Variants in MFN1 observed in about 807,000 individuals in gnomAD.
The protein encoded by MFN1 is mitofusin-1.
Under a neutral mutation model 92.4 loss-of-function variants are expected in MFN1, and 65 were observed. That is an observed-to-expected ratio of 0.70 (90% CI 0.58 to 0.86). The LOEUF is 0.86. MFN1 is among the 40% of genes least tolerant of loss of function. The pLI is 0.00. For synonymous variants in MFN1, 297 were observed against 300.9 expected, an observed-to-expected ratio of 0.99 and a Z score of 0.13; for missense variants, 781 against 868.0, an observed-to-expected ratio of 0.90 and a Z score of 1.26.
rs1392155472 is a variant in MFN1, at chr3:179,392,821, A to T, written c.*762A>T. On this transcript the variant is annotated 3_prime_UTR_variant, in exon 18 of 18. Coordinates refer to ENST00000471841, the MANE Select transcript of MFN1 (RefSeq NM_033540.3). ...GACGTCTGAATTTTGAATGATAAAC[A>T]GTGATGTTTTAAAAAAGCTGTTGTT... The T allele has an allele frequency of 6.6e-6, 1 of 152,200 alleles. No homozygotes were observed. The highest frequency in any genetic ancestry group is 2.4e-5 in the African/African-American group (1 of 41,460). The allele number at this position is 152,200 out of a possible 1,614,324, so 9.4% of individuals were successfully genotyped here.
At chr3:179,359,505 C>T (rs1712485566) in intron 4 of MFN1, among the ~76,000 whole-genome samples, 1 of 148,808 alleles carries the variant, frequency 6.7e-6, no homozygotes, top group African/African-American at 2.5e-5. Context: ...GCTGCAACCT[C>T]TGCCTCTTGG....
At chr3:179,376,170 A>G (rs932841593) in intron 10 of MFN1, among the ~76,000 whole-genome samples, 2 of 152,308 alleles carry the variant, frequency 1.3e-5, no homozygotes, top group Non-Finnish European at 2.9e-5. Flanking sequence ...GTACTTTCTT[A>G]GGAATGAATT....
intron 10 of MFN1, among the ~76,000 whole-genome samples, 168 bp downstream of exon 10, chr3:179,375,509 G>C (rs997734431): frequency 6.6e-6 from 1 of 152,142 alleles, no homozygotes; most frequent in Admixed American, 6.5e-5. Flanking sequence ...TGAAAGTGTC[G>C]ATATTTATTC....
At position 179,390,011 on chromosome 3, in the gene MFN1, G is replaced by GCTA. The variant is rs1264363346; in HGVS notation, c.2022_2024dup (p.Thr676dup). 1 of 1,598,466 alleles carries GCTA rather than the reference G, an allele frequency of 6.3e-7. No individual in the cohort carries two copies. The highest frequency in any genetic ancestry group is 1.8e-5 in the Admixed American group (1 of 56,694). ...CTAAATTTTTATTTTAAGACAAATA[G>GCTA]CTACCACTTTTGCTCGCCTGTGCCA... On this transcript the variant is annotated inframe_insertion, in exon 17 of 18. Coordinates refer to ENST00000471841, the MANE Select transcript of MFN1 (RefSeq NM_033540.3).
intron 6 of MFN1, 105 bp from the exon 7 acceptor site, chr3:179,365,013 G>A (rs1432216673): frequency 1.8e-6 from 1 of 548,398 alleles, no homozygotes; most frequent in South Asian, 4.1e-5. Context: ...TTTGTCAGTG[G>A]TGTTAATTAC....
At chr3:179,364,654 A>G (rs1712714530) in intron 6 of MFN1, among the ~76,000 whole-genome samples, 1 of 152,204 alleles carries the variant, frequency 6.6e-6, no homozygotes, top group African/African-American at 2.4e-5. Context: ...TGTCAGTCTC[A>G]GGGAAAATGA....
intron 2 of MFN1, among the ~76,000 whole-genome samples, chr3:179,351,005 A>G (rs2108522148): frequency 6.6e-6 from 1 of 152,270 alleles, no homozygotes; most frequent in Non-Finnish European, 1.5e-5. Flanking sequence ...GTGTTTTACC[A>G]TATTGTTCAG....
chr3:179,366,258 C>T (rs7355960), intron 7 of MFN1, among the ~76,000 whole-genome samples: 19,318 of 152,048 alleles, frequency 0.13, 4,067 homozygotes, highest in African/African-American at 0.44. Flanking sequence ...AGAGGTAAAA[C>T]TGCTAGATTA....
intron 14 of MFN1, among the ~76,000 whole-genome samples, chr3:179,382,044 T>TAAAC (rs1364311934): frequency 2.0e-5 from 3 of 149,530 alleles, no homozygotes; most frequent in African/African-American, 7.4e-5. Flanking sequence ...ACATTTCAAA[T>TAAAC]AAACTAGCAT....
At chr3:179,380,948 CA>C (rs1457851998) in intron 14 of MFN1, among the ~76,000 whole-genome samples, 1 of 151,586 alleles carries the variant, frequency 6.6e-6, no homozygotes, top group Non-Finnish European at 1.5e-5. Context: ...GCTCCTTATG[CA>C]AAAAATAATA....
chr3:179,350,282 A>G (rs1397532065), intron 2 of MFN1, among the ~76,000 whole-genome samples: 2 of 151,862 alleles, frequency 1.3e-5, no homozygotes, highest in Non-Finnish European at 2.9e-5. Flanking sequence ...GTCTCTCCCA[A>G]CCCTCTCTTA....
At chr3:179,355,923 G>T (rs1026417433) in intron 3 of MFN1, among the ~76,000 whole-genome samples, 1 of 151,674 alleles carries the variant, frequency 6.6e-6, no homozygotes, top group Admixed American at 6.6e-5. Flanking sequence ...CTGCACTCCA[G>T]CCTGGGCCAC....
At chr3:179,365,888 T>A (rs769219974) in intron 7 of MFN1, among the ~76,000 whole-genome samples, 1 of 152,260 alleles carries the variant, frequency 6.6e-6, no homozygotes, top group Non-Finnish European at 1.5e-5. Context: ...ATTCCATCTG[T>A]GACTATACTA....
intron 3 of MFN1, 44 bp downstream of exon 3, chr3:179,352,079 G>A (rs1246110613): frequency 1.3e-6 from 2 of 1,536,972 alleles, no homozygotes; most frequent in South Asian, 1.3e-5. Flanking sequence ...CCAGGAATCA[G>A]CTTTGTGTCT....
chr3:179,350,456 A>T lies in MFN1; in HGVS notation c.113-1444A>T, dbSNP rs114122899. Among the ~76,000 whole-genome samples, 1,331 of 151,646 alleles carry T rather than the reference A, an allele frequency of 8.8e-3. 16 individuals carry two copies. Among genetic ancestry groups the T allele is most frequent in the African/African-American group, 0.03 (1,228 of 41,368 alleles). ...CTGGCACAGTTGACTTTTTAAAAAT[A>T]TTTTTTTTTCTAAAAATAATAGGAA... On this transcript the variant is annotated intron_variant, in intron 2 of 17. Transcript: ENST00000471841.
At chr3:179,354,403 A>C (rs1421913098) in intron 3 of MFN1, among the ~76,000 whole-genome samples, 1 of 152,234 alleles carries the variant, frequency 6.6e-6, no homozygotes, top group East Asian at 1.9e-4. Flanking sequence ...GGCGTTCTGC[A>C]TTCTTTTATT....
chr3:179,379,338 T>TA (rs1293065858), intron 14 of MFN1, among the ~76,000 whole-genome samples: 4 of 152,162 alleles, frequency 2.6e-5, no homozygotes, highest in Non-Finnish European at 4.4e-5. Flanking sequence ...AGATACTGTT[T>TA]AAAAAAAATT....
Position 179,365,233 on chromosome 3 carries a change from G to GT in MFN1, c.753+10dup. ...CCAGAATATATGGAAGACGTAAGTT[G>GT]TTATTTTTTTTTTTGTAGGTTTTGA... On this transcript the variant is annotated intron_variant, in intron 7 of 17. Coordinates refer to ENST00000471841, the MANE Select transcript of MFN1 (RefSeq NM_033540.3). 1 of 1,469,930 alleles carries GT rather than the reference G, an allele frequency of 6.8e-7. No homozygotes were observed. The highest frequency in any genetic ancestry group is 1.3e-5 in the South Asian group (1 of 74,308). 91.1% of individuals were successfully genotyped at this position (1,469,930 alleles called of 1,614,324 possible).
intron 3 of MFN1, among the ~76,000 whole-genome samples, chr3:179,358,039 G>C (rs948778083): frequency 6.6e-6 from 1 of 152,010 alleles, no homozygotes; most frequent in Admixed American, 6.6e-5. Context: ...GGGGTAAGTG[G>C]ACTTTTTACA....
Sources: gnomAD v4.1 joint callset for allele counts (sites outside exome capture counted in the v4.1 genomes callset) on GRCh38, gnomAD v4.1.1 for gene constraint, MANE v1.5 for transcripts, NCBI Gene and HGNC (gene_info 2026-07-23, HGNC 2026-07-21) for gene names.